Variants in USP9X observed in about 807,000 individuals in gnomAD.
USP9X encodes ubiquitin carboxyl-terminal hydrolase 9X.
A neutral mutation model predicts 190.3 loss-of-function variants in USP9X; 7 were observed. The observed-to-expected ratio is 0.04, with a 90% confidence interval of 0.02 to 0.07. The LOEUF is 0.07. USP9X is among the 10% of genes least tolerant of loss of function. The pLI is 1.00. For synonymous variants in USP9X, 645 were observed against 659.5 expected (o/e 0.98, Z 0.34); for missense variants, 1,010 against 1,916.9 (o/e 0.53, Z 8.83).
At chrX:41,227,294 G>A (rs1049445804) in intron 41 of USP9X, among the ~76,000 whole-genome samples, 1 of 111,734 alleles carries the variant, frequency 8.9e-6, no homozygotes, top group African/African-American at 3.3e-5. Flanking sequence ...TGATGCTAAT[G>A]GGGAGAAAAT....
chrX:41,159,296 A>T lies in USP9X; in HGVS notation c.1898-3494A>T, dbSNP rs1414365652. On this transcript the variant is annotated intron_variant, in intron 14 of 44. Transcript: ENST00000378308. The stretch of plus-strand genomic sequence containing the variant: ...CTAGGGTGACAAAAAAGACAACAGT[A>T]AATGTTGATGAGGCTATGGAGAAAT... 3.6e-5 allele frequency among the ~76,000 whole-genome samples: 4 copies of T among 111,670 alleles called. No individual in the cohort carries two copies. The Admixed American group carries it at 3.8e-4, about 11-fold the overall frequency.
chrX:41,234,021 TTTTTTTTGGTTAC>T lies in USP9X; in HGVS notation c.*1506_*1518del, dbSNP rs2084701879. 1 of 109,485 alleles carries T rather than the reference TTTTTTTTGGTTAC, an allele frequency of 9.1e-6. No individual in the cohort carries two copies. Among genetic ancestry groups the T allele is most frequent in the African/African-American group, 3.3e-5 (1 of 29,978 alleles). The allele number at this position is 109,485 out of a possible 1,213,427, so 9.0% of individuals were successfully genotyped here. On this transcript the variant is annotated 3_prime_UTR_variant, in exon 45 of 45. Transcript: ENST00000378308. ...TTTGTCCTGTGGTGTGTTTTTGGTT[TTTTTTTTGGTTAC>T]TTTTTTTGTCCTTTTTTTTTTTTTT...
At chrX:41,152,792 A>G in intron 13 of USP9X, 156 bp from the exon 14 acceptor site, 2 of 233,452 alleles carry the variant, frequency 8.6e-6, no homozygotes, top group Non-Finnish European at 1.2e-5. Context: ...TGAAGAGTTT[A>G]AGTTGGTTGT....
Position 41,143,375 on chromosome X carries a change from A to G in USP9X, c.1246A>G (p.Ile416Val). ...ACAGTATGTAGAAAAGTTAGAGAAG[A>G]TTCTTCGTTTTGTCATCAAAGAAAA... The part of the protein sequence containing the change: ...QPQYVEKLEK[I>V]LRFVIKEKAL... Residue 416 changes from isoleucine (I) to valine (V), a missense_variant, in exon 10 of 45, where the codon ATT (isoleucine) becomes GTT (valine). Physicochemically the swap from Ile to Val is conservative, Grantham distance 29. This residue lies in a region of USP9X where 39 missense variants were observed against 132.4 expected (regional missense o/e 0.29). Coordinates refer to ENST00000378308, the MANE Select transcript of USP9X (RefSeq NM_001039591.3). 1 of 1,205,823 alleles carries G rather than the reference A, an allele frequency of 8.3e-7. No individual in the cohort carries two copies. Among genetic ancestry groups the G allele is most frequent in the Non-Finnish European group, 1.1e-6 (1 of 891,944 alleles).
At chrX:41,165,000 G>C (rs762767393) in intron 15 of USP9X, among the ~76,000 whole-genome samples, 1 of 111,653 alleles carries the variant, frequency 9.0e-6, no homozygotes, top group African/African-American at 3.3e-5. Flanking sequence ...ATTTTCATTT[G>C]AAGAAGGGTC....
chrX:41,098,785 A>ACTGC (rs1353940129), intron 1 of USP9X, among the ~76,000 whole-genome samples: 2 of 106,992 alleles, frequency 1.9e-5, no homozygotes, highest in East Asian at 6.1e-4. Flanking sequence ...CGAACTGCTG[A>ACTGC]CTGCCTGCCT....
intron 24 of USP9X, among the ~76,000 whole-genome samples, chrX:41,186,912 C>G (rs1235399843): frequency 3.6e-5 from 4 of 109,643 alleles, no homozygotes; most frequent in Non-Finnish European, 7.6e-5. Context: ...CTGCAACCTC[C>G]ACCTCCCAGG....
At chrX:41,088,075 C>T in intron 1 of USP9X, among the ~76,000 whole-genome samples, 1 of 111,948 alleles carries the variant, frequency 8.9e-6, no homozygotes, top group Non-Finnish European at 1.9e-5. Context: ...CGTCCACCTC[C>T]CGGGTTCAAG....
chrX:41,104,447 T>A (rs1271654208), intron 1 of USP9X, among the ~76,000 whole-genome samples: 1 of 112,272 alleles, frequency 8.9e-6, no homozygotes, highest in East Asian at 2.8e-4. Context: ...TCTGTTGTAA[T>A]GCAATGGAAT....
At chrX:41,134,282 C>G (rs897130710) in intron 4 of USP9X, among the ~76,000 whole-genome samples, 3 of 111,658 alleles carry the variant, frequency 2.7e-5, no homozygotes, top group Non-Finnish European at 5.6e-5. Flanking sequence ...TGAAATTAAG[C>G]AAAGATATAA....
At chrX:41,161,329 CTTTTTTTTT>C (rs1158519140) in intron 14 of USP9X, among the ~76,000 whole-genome samples, 27 of 32,466 alleles carry the variant, frequency 8.3e-4, no homozygotes, top group Non-Finnish European at 3.6e-4. Flanking sequence ...GAATTCTTGC[CTTTTTTTTT>C]TTTTTTTTTT....
rs1250154948 is a variant in USP9X at position 41,235,941 on chromosome X, GTTTT to G, written c.*3421_*3424del. 9.0e-6 allele frequency: 1 copy of G among 111,606 alleles called. No individual in the cohort carries two copies. The highest frequency in any genetic ancestry group is 3.3e-5 in the African/African-American group (1 of 30,668). The allele number at this position is 111,606 out of a possible 1,213,427, so 9.2% of individuals were successfully genotyped here. On this transcript the variant is annotated 3_prime_UTR_variant, in exon 45 of 45. Coordinates refer to ENST00000378308, the MANE Select transcript of USP9X (RefSeq NM_001039591.3). ...CAGATGACTACTTCGAAGTAATTCAGTTTTTTTATTAGTATTTTTCCAGCTTATG... is the reference window on the plus strand; with the variant it reads ...CAGATGACTACTTCGAAGTAATTCAGTTTATTAGTATTTTTCCAGCTTATG...
chrX:41,205,641 T>G (rs1470720459), intron 32 of USP9X, 148 bp downstream of exon 32: 62 of 511,559 alleles, frequency 1.2e-4, no homozygotes, highest in Non-Finnish European at 1.7e-4. Context: ...GGGTTTTTTT[T>G]TTTTTTTTTA....
chrX:41,224,684 G>A, intron 39 of USP9X, 58 bp from the exon 40 acceptor site: 1 of 967,271 alleles, frequency 1.0e-6, no homozygotes, highest in Non-Finnish European at 1.4e-6. Flanking sequence ...TGAAAGTTGT[G>A]TATTATTATT....
chrX:41,144,630 A>G lies in USP9X; in HGVS notation c.1419+4A>G. The G allele has an allele frequency of 1.7e-6, 2 of 1,151,502 alleles. No homozygotes were observed. The highest frequency in any genetic ancestry group is 1.2e-6 in the Non-Finnish European group (1 of 842,859). 94.9% of individuals were successfully genotyped at this position (1,151,502 alleles called of 1,213,427 possible). A position where few individuals can be genotyped will look rare whatever the true frequency, so the allele number is the denominator to read the frequency against. On this transcript the variant is annotated splice_donor_region_variant and intron_variant, in intron 11 of 44. Coordinates refer to ENST00000378308, the MANE Select transcript of USP9X (RefSeq NM_001039591.3). ...TCATCTTTTTGATTGTTTTAAGGTAATTGTTAACATAGCAAAATATTACCA... is the reference window on the plus strand; with the variant it reads ...TCATCTTTTTGATTGTTTTAAGGTAGTTGTTAACATAGCAAAATATTACCA...
chrX:41,223,074 T>G (rs960166536), intron 38 of USP9X, 143 bp from the exon 39 acceptor site: 1 of 584,652 alleles, frequency 1.7e-6, no homozygotes, highest in Non-Finnish European at 2.6e-6. Context: ...AAATTACAAA[T>G]CAAAATTTTT....
rs751004778 is a variant in USP9X at position 41,103,768 on chromosome X, A to C, written c.-159+17659A>C. Among the ~76,000 whole-genome samples, 9 of 111,996 alleles carry C rather than the reference A, an allele frequency of 8.0e-5. No homozygotes were observed. In the South Asian group the frequency reaches 2.6e-3, roughly 32 times the overall value. On this transcript the variant is annotated intron_variant, in intron 1 of 44. Transcript: ENST00000378308. ...GAACCAGAATTTGCAAGCTTGAGCCAGCTTACTTAATATTATTGCTGGAAA... is the reference window on the plus strand; with the variant it reads ...GAACCAGAATTTGCAAGCTTGAGCCCGCTTACTTAATATTATTGCTGGAAA...
chrX:41,135,598 C>T (rs1333438921), intron 5 of USP9X, among the ~76,000 whole-genome samples: 1 of 111,185 alleles, frequency 9.0e-6, no homozygotes, highest in African/African-American at 3.3e-5. Flanking sequence ...TGATAAAATG[C>T]CATAACTACT....
In USP9X at chrX:41,235,196, T is replaced by C. The variant is rs1329221989; in HGVS notation, c.*2672T>C. ...ATTTGAGGAAGAGTGGTATTCGTTGTGACTAGGAGCAAGGGAAAGTGGAGT... is the reference window on the plus strand; with the variant it reads ...ATTTGAGGAAGAGTGGTATTCGTTGCGACTAGGAGCAAGGGAAAGTGGAGT... On this transcript the variant is annotated 3_prime_UTR_variant, in exon 45 of 45. Coordinates refer to ENST00000378308, the MANE Select transcript of USP9X (RefSeq NM_001039591.3). 1 of 112,122 alleles carries C rather than the reference T, an allele frequency of 8.9e-6. No homozygotes were observed. Among genetic ancestry groups the C allele is most frequent in the Admixed American group, 9.6e-5 (1 of 10,468 alleles). The allele number at this position is 112,122 out of a possible 1,213,427, so 9.2% of individuals were successfully genotyped here. A position where few individuals can be genotyped will look rare whatever the true frequency, so the allele number is the denominator to read the frequency against.
Sources: allele counts gnomAD v4.1 joint callset (sites outside exome capture counted in the v4.1 genomes callset), GRCh38; gene constraint gnomAD v4.1.1; regional missense constraint gnomAD v4.1.1; transcripts MANE v1.5; gene names NCBI Gene and HGNC (gene_info 2026-07-23, HGNC 2026-07-21).